The following STEAP1B variants were observed in gnomAD, a reference collection of about 807,000 sequenced individuals.
STEAP1B encodes STEAP family protein MGC87042.
A neutral mutation model predicts 27.9 loss-of-function variants in STEAP1B; 13 were observed. The ratio of observed to expected loss-of-function variants is 0.47; its 90% CI spans 0.30 to 0.74. The LOEUF (loss-of-function observed/expected upper bound fraction) is 0.74. STEAP1B is among the 30% of genes least tolerant of loss of function. The pLI is 0.06. For missense variants in STEAP1B, 250 were observed against 298.7 expected (o/e 0.84, Z 1.20); for synonymous variants, 86 against 107.1 (o/e 0.80, Z 1.22).
chr7:22,437,791 A>G (rs1367482961), intron 4 of STEAP1B, among the ~76,000 whole-genome samples: 4 of 152,208 alleles, frequency 2.6e-5, no homozygotes, highest in African/African-American at 9.6e-5. Context: ...GGTAATACCC[A>G]TCCTAACTAG....
intron 4 of STEAP1B, among the ~76,000 whole-genome samples, chr7:22,421,768 A>G (rs1319995028): frequency 6.6e-6 from 1 of 152,238 alleles, no homozygotes; most frequent in Non-Finnish European, 1.5e-5. Flanking sequence ...GCTACCCACC[A>G]TAGACATCCT....
rs562214331 is a variant in STEAP1B at position 22,430,076 on chromosome 7, C to T, written c.763-10240G>A. Among the ~76,000 whole-genome samples, 91 of 152,334 alleles carry T rather than the reference C, an allele frequency of 6.0e-4. 1 individual carries two copies. The highest frequency in any genetic ancestry group is 1.6e-3 in the African/African-American group (68 of 41,576). On this transcript the variant is annotated intron_variant, in intron 4 of 4. Coordinates refer to ENST00000678116, the MANE Select transcript of STEAP1B (RefSeq NM_001382447.1). Reference sequence around the variant, plus strand: ...TGCCAGGTGTGTAGCACTTCTTAAACTGGTTGTGGATATGTGGGCATGCAT... The same window carrying T: ...TGCCAGGTGTGTAGCACTTCTTAAATTGGTTGTGGATATGTGGGCATGCAT...
rs536656432 is a variant in STEAP1B at position 22,446,157 on chromosome 7, G to C, written c.763-26321C>G. The stretch of plus-strand genomic sequence containing the variant: ...TGTATATGAGATGAAGGAGTTCAAA[G>C]ACCCATTGGATGACAGTTCTCATGC... On this transcript the variant is annotated intron_variant, in intron 4 of 4. Transcript: ENST00000678116. 6.6e-5 allele frequency among the ~76,000 whole-genome samples: 10 copies of C among 152,334 alleles called. No homozygotes were observed. The East Asian group carries it at 1.7e-3, about 26-fold the overall frequency.
rs142856945 is a variant in STEAP1B at position 22,460,665 on chromosome 7, C to T, written c.762+31900G>A. Among the ~76,000 whole-genome samples, 209 of 152,166 alleles carry T rather than the reference C, an allele frequency of 1.4e-3. 2 individuals are homozygous for T. The highest frequency in any genetic ancestry group is 4.0e-3 in the African/African-American group (165 of 41,500). ...TGAGACCACTGCAGAAAGGTCATTG[C>T]TACACCAAGGCTGCAAGCTTGCAGA... On this transcript the variant is annotated intron_variant, in intron 4 of 4. Coordinates refer to ENST00000678116, the MANE Select transcript of STEAP1B (RefSeq NM_001382447.1).
intron 4 of STEAP1B, among the ~76,000 whole-genome samples, chr7:22,473,716 G>A (rs898261719): frequency 3.3e-5 from 5 of 152,200 alleles, no homozygotes; most frequent in African/African-American, 9.7e-5. Context: ...CTCCATAGAT[G>A]ATTGTGAAGT....
At chr7:22,449,336 A>G (rs1229280969) in intron 4 of STEAP1B, among the ~76,000 whole-genome samples, 1 of 152,150 alleles carries the variant, frequency 6.6e-6, no homozygotes, top group Admixed American at 6.5e-5. Context: ...TCTACACTCT[A>G]TCTCCATGAG....
intron 4 of STEAP1B, among the ~76,000 whole-genome samples, chr7:22,435,306 A>T (rs1785239872): frequency 6.6e-6 from 1 of 152,084 alleles, no homozygotes; most frequent in South Asian, 2.1e-4. Flanking sequence ...AAGTGTAACC[A>T]TAAGGCAAGG....
intron 4 of STEAP1B, among the ~76,000 whole-genome samples, chr7:22,475,405 CTTCTG>C (rs1785954154): frequency 6.6e-6 from 1 of 152,224 alleles, no homozygotes; most frequent in Non-Finnish European, 1.5e-5. Flanking sequence ...TCAGGGTCTT[CTTCTG>C]TTCTCCAGGC....
At chr7:22,498,205 G>A (rs185832816) in intron 1 of STEAP1B, among the ~76,000 whole-genome samples, 5 of 152,298 alleles carry the variant, frequency 3.3e-5, no homozygotes, top group Non-Finnish European at 2.9e-5. Flanking sequence ...CGGCCAGGGG[G>A]TTGGGGACCC....
chr7:22,457,138 T>A, intron 4 of STEAP1B, among the ~76,000 whole-genome samples: 1 of 151,164 alleles, frequency 6.6e-6, no homozygotes, highest in South Asian at 2.1e-4. Context: ...ATCCAGAGGA[T>A]CCACCAATTA....
chr7:22,454,361 A>C (rs1785536917), intron 4 of STEAP1B, among the ~76,000 whole-genome samples: 1 of 152,146 alleles, frequency 6.6e-6, no homozygotes, highest in African/African-American at 2.4e-5. Context: ...CGAATAATAG[A>C]GAAGTCACTA....
At chr7:22,450,200 G>A (rs1785465592) in intron 4 of STEAP1B, among the ~76,000 whole-genome samples, 1 of 146,638 alleles carries the variant, frequency 6.8e-6, no homozygotes, top group Non-Finnish European at 1.5e-5. Context: ...TCAAGTGCTT[G>A]TGGAGTATCA....
intron 4 of STEAP1B, among the ~76,000 whole-genome samples, chr7:22,439,475 T>C (rs1405398770): frequency 6.6e-6 from 1 of 152,186 alleles, no homozygotes; most frequent in African/African-American, 2.4e-5. Context: ...GTAAAACTTT[T>C]GGAAGCTTAT....
At chr7:22,465,341 C>G (rs746739354) in intron 4 of STEAP1B, among the ~76,000 whole-genome samples, 3 of 152,082 alleles carry the variant, frequency 2.0e-5, no homozygotes, top group Non-Finnish European at 1.5e-5. Context: ...AAAGCAAAAC[C>G]TCAGATAAGG....
Position 22,481,998 on chromosome 7 carries a change from A to C in STEAP1B, c.762+10567T>G, listed in dbSNP as rs568966324. Among the ~76,000 whole-genome samples, 4 of 152,242 alleles carry C rather than the reference A, an allele frequency of 2.6e-5. No homozygotes were observed. The South Asian group carries it at 8.3e-4, about 32-fold the overall frequency. ...CGAAAGCCGGAATCCTGCTCTGGGGAGACTGGGTGGCCACTGTGTTCTCTC... is the reference window on the plus strand; with the variant it reads ...CGAAAGCCGGAATCCTGCTCTGGGGCGACTGGGTGGCCACTGTGTTCTCTC... On this transcript the variant is annotated intron_variant, in intron 4 of 4. Coordinates refer to ENST00000678116, the MANE Select transcript of STEAP1B (RefSeq NM_001382447.1).
chr7:22,445,615 T>A (rs1785398087), intron 4 of STEAP1B, among the ~76,000 whole-genome samples: 1 of 152,244 alleles, frequency 6.6e-6, no homozygotes. Flanking sequence ...CTTCCCGCCC[T>A]CCACCTCTGA....
rs1457986338 is a variant in STEAP1B, at chr7:22,456,970, A to AT, written c.762+35594dup. On this transcript the variant is annotated intron_variant, in intron 4 of 4. Coordinates refer to ENST00000678116, the MANE Select transcript of STEAP1B (RefSeq NM_001382447.1). Reference sequence around the variant, plus strand: ...TAGGCAGCTATATATATATATATATATATTTTTTTTTTTTTTAAGTATCCT... The same window carrying AT: ...TAGGCAGCTATATATATATATATATATTATTTTTTTTTTTTTTAAGTATCCT... 2.5e-3 allele frequency among the ~76,000 whole-genome samples: 66 copies of AT among 26,172 alleles called. 6 individuals are homozygous for AT. The highest frequency in any genetic ancestry group is 2.1e-3 in the Non-Finnish European group (24 of 11,562). 17.2% of individuals were successfully genotyped at this position (26,172 alleles called of 152,430 possible).
At chr7:22,460,014 A>T (rs527694901) in intron 4 of STEAP1B, among the ~76,000 whole-genome samples, 1 of 152,186 alleles carries the variant, frequency 6.6e-6, no homozygotes, top group Admixed American at 6.5e-5. Flanking sequence ...ATGAGACTGT[A>T]AGATATGAGG....
At chr7:22,456,972 A>ATATATATATATATATATTTTTTTT in intron 4 of STEAP1B, among the ~76,000 whole-genome samples, 2 of 57,046 alleles carry the variant, frequency 3.5e-5, no homozygotes, top group African/African-American at 1.4e-4. Context: ...ATATATATAT[A>ATATATATATATATATATTTTTTTT]TTTTTTTTTT....
Sources: allele counts gnomAD v4.1 joint callset (sites outside exome capture counted in the v4.1 genomes callset), GRCh38; gene constraint gnomAD v4.1.1; transcripts MANE v1.5; gene names NCBI Gene and HGNC (gene_info 2026-07-23, HGNC 2026-07-21).